Variants in GRXCR1 observed in about 807,000 individuals in gnomAD.
The protein encoded by GRXCR1 is glutaredoxin and cysteine rich domain containing 1.
Under a neutral mutation model 27.3 loss-of-function variants are expected in GRXCR1, and 27 were observed. The ratio of observed to expected loss-of-function variants is 0.99; its 90% confidence interval spans 0.73 to 1.37. The LOEUF (loss-of-function observed/expected upper bound fraction) is 1.37, where lower values mean the gene tolerates loss of function less well. Among genes scored for constraint, GRXCR1 ranks in the 40% most tolerant of loss-of-function variants. The pLI is 0.00. For synonymous variants in GRXCR1, 122 were observed against 131.1 expected, an observed-to-expected ratio of 0.93 and a Z score of 0.47; for missense variants, 379 against 354.4, an observed-to-expected ratio of 1.07 and a Z score of -0.56.
chr4:43,008,866 C>A (rs1237690707), intron 2 of GRXCR1, among the ~76,000 whole-genome samples: 2 of 152,174 alleles, frequency 1.3e-5, no homozygotes, highest in Admixed American at 6.5e-5. Flanking sequence ...AGACAACTTG[C>A]AGGGATGCAG....
intron 1 of GRXCR1, among the ~76,000 whole-genome samples, chr4:42,927,407 T>A (rs1051928240): frequency 2.0e-5 from 3 of 152,092 alleles, no homozygotes; most frequent in African/African-American, 7.2e-5. Flanking sequence ...TCTAGAGACC[T>A]CACAGAAATT....
chr4:42,984,398 C>T lies in GRXCR1; in HGVS notation c.627+21264C>T, dbSNP rs372689855. Among the ~76,000 whole-genome samples the T allele has an allele frequency of 4.5e-4, 69 of 152,318 alleles. No individual in the cohort carries two copies. In the East Asian group the frequency reaches 6.2e-3, roughly 14 times the overall value. On this transcript the variant is annotated intron_variant, in intron 2 of 3. Coordinates refer to ENST00000399770, the MANE Select transcript of GRXCR1 (RefSeq NM_001080476.3). ...AGTTCATCTATCTTCATTTCATTAG[C>T]ATCAGTCACTGGCACTTTATTTTGT...
At chr4:43,022,387 CAG>C (rs1713122923) in intron 3 of GRXCR1, among the ~76,000 whole-genome samples, 2 of 152,150 alleles carry the variant, frequency 1.3e-5, no homozygotes, top group Admixed American at 6.5e-5. Flanking sequence ...ACTTGATCAA[CAG>C]TACCATGGTA....
intron 1 of GRXCR1, among the ~76,000 whole-genome samples, chr4:42,899,901 C>A (rs148162142): frequency 2.0e-5 from 3 of 152,244 alleles, no homozygotes; most frequent in Non-Finnish European, 4.4e-5. Flanking sequence ...GGCTTTAGAA[C>A]AACCTGCTGA....
chr4:42,937,717 C>A (rs1157435665), intron 1 of GRXCR1, among the ~76,000 whole-genome samples: 1 of 151,874 alleles, frequency 6.6e-6, no homozygotes, highest in Non-Finnish European at 1.5e-5. Context: ...CACCCATCAT[C>A]TATTTACTTA....
At chr4:43,025,069 A>G (rs1713209928) in intron 3 of GRXCR1, among the ~76,000 whole-genome samples, 1 of 152,178 alleles carries the variant, frequency 6.6e-6, no homozygotes, top group African/African-American at 2.4e-5. Context: ...TCTTGATCTT[A>G]GCATCCTGTT....
At chr4:42,893,724 TA>T in intron 1 of GRXCR1, 74 bp downstream of exon 1, 1 of 1,429,774 alleles carries the variant, frequency 7.0e-7, no homozygotes, top group Non-Finnish European at 9.8e-7. Flanking sequence ...GTTCTCCAGT[TA>T]AAGCAAGCCT....
intron 2 of GRXCR1, among the ~76,000 whole-genome samples, chr4:42,987,667 C>G (rs1169796465): frequency 2.0e-5 from 3 of 152,056 alleles, no homozygotes; most frequent in African/African-American, 7.2e-5. Context: ...GAGAACAAAC[C>G]TTTGCTATAC....
chr4:42,939,366 T>C (rs1747548688), intron 1 of GRXCR1, among the ~76,000 whole-genome samples: 1 of 152,118 alleles, frequency 6.6e-6, no homozygotes, highest in African/African-American at 2.4e-5. Context: ...CCTGCAAGTT[T>C]ACTGAATTTG....
At chr4:42,977,577 A>T (rs1300817003) in intron 2 of GRXCR1, among the ~76,000 whole-genome samples, 12 of 151,958 alleles carry the variant, frequency 7.9e-5, no homozygotes, top group Non-Finnish European at 1.8e-4. Context: ...TTGAACATTT[A>T]AAAAATGTAA....
At chr4:42,986,005 C>T (rs1397437946) in intron 2 of GRXCR1, among the ~76,000 whole-genome samples, 1 of 152,140 alleles carries the variant, frequency 6.6e-6, no homozygotes, top group Non-Finnish European at 1.5e-5. Context: ...ACTGAGCAAA[C>T]ATCTCACCCA....
At chr4:42,909,054 C>T (rs933066223) in intron 1 of GRXCR1, among the ~76,000 whole-genome samples, 1 of 152,138 alleles carries the variant, frequency 6.6e-6, no homozygotes, top group Non-Finnish European at 1.5e-5. Context: ...TGCGGGGATG[C>T]CCCAGTGGTT....
chr4:42,907,740 A>G (rs1462420603), intron 1 of GRXCR1, among the ~76,000 whole-genome samples: 1 of 152,186 alleles, frequency 6.6e-6, no homozygotes, highest in East Asian at 1.9e-4. Context: ...CTAGATTACT[A>G]TCATGATGAG....
chr4:42,947,950 T>C (rs1747786374), intron 1 of GRXCR1, among the ~76,000 whole-genome samples: 1 of 152,208 alleles, frequency 6.6e-6, no homozygotes, highest in Non-Finnish European at 1.5e-5. Flanking sequence ...ATGTTTCATG[T>C]GCTTCACAAT....
At chr4:42,897,032 A>T (rs940730596) in intron 1 of GRXCR1, among the ~76,000 whole-genome samples, 2 of 152,126 alleles carry the variant, frequency 1.3e-5, no homozygotes, top group Non-Finnish European at 2.9e-5. Flanking sequence ...CTCTATCTAG[A>T]TACATAAGTT....
At chr4:42,954,070 A>C (rs1383188014) in intron 1 of GRXCR1, among the ~76,000 whole-genome samples, 1 of 152,124 alleles carries the variant, frequency 6.6e-6, no homozygotes, top group Admixed American at 6.6e-5. Context: ...ATCCATATGC[A>C]CTAGGTTATA....
At position 43,020,346 on chromosome 4, in the gene GRXCR1, G is replaced by A. The variant is rs770105867; in HGVS notation, c.628-8G>A. 38 of 1,594,162 alleles carry A rather than the reference G, an allele frequency of 2.4e-5. No individual in the cohort carries two copies. The highest frequency in any genetic ancestry group is 1.2e-4 in the Admixed American group (7 of 59,900). ...TGGATTTTTCTCCCTACTCTCTCTC[G>A]TTAATAGGGTGCTGAGAAAATTTTG... On this transcript the variant is annotated splice_region_variant and splice_polypyrimidine_tract_variant and intron_variant, in intron 2 of 3. Transcript: ENST00000399770.
intron 2 of GRXCR1, among the ~76,000 whole-genome samples, chr4:43,008,125 T>C (rs1712623827): frequency 6.6e-6 from 1 of 152,212 alleles, no homozygotes; most frequent in South Asian, 2.1e-4. Context: ...TAGTTTTTGC[T>C]TCTTTAAGTA....
intron 2 of GRXCR1, among the ~76,000 whole-genome samples, chr4:43,000,399 C>T (rs192135309): frequency 2.5e-4 from 38 of 150,590 alleles, no homozygotes; most frequent in Admixed American, 4.6e-4. Flanking sequence ...TCGCTTGAAC[C>T]AGGGACTAGG....
Sources: gnomAD v4.1 joint callset for allele counts (sites outside exome capture counted in the v4.1 genomes callset) on GRCh38, gnomAD v4.1.1 for gene constraint, MANE v1.5 for transcripts, NCBI Gene and HGNC (gene_info 2026-07-23, HGNC 2026-07-21) for gene names.